RNF216: variants seen among roughly 807,000 people sequenced by gnomAD.
The protein encoded by RNF216 is E3 ubiquitin-protein ligase RNF216.
In RNF216, 72 loss-of-function variants were observed where a neutral mutation model predicts 110.8. That is an observed-to-expected ratio of 0.65 (90% CI 0.54 to 0.79). The LOEUF is 0.79. Ranked by LOEUF, RNF216 falls within the 30% of genes least tolerant of loss-of-function variation. The pLI is 0.00. For missense variants in RNF216, 1,342 were observed against 1,141.2 expected, an observed-to-expected ratio of 1.18 and a Z score of -2.54; for synonymous variants, 495 against 407.5, an observed-to-expected ratio of 1.21 and a Z score of -2.59.
intron 13 of RNF216, among the ~76,000 whole-genome samples, chr7:5,683,125 T>TA (rs1179322988): frequency 2.6e-5 from 4 of 151,788 alleles, no homozygotes; most frequent in Non-Finnish European, 5.9e-5. Context: ...AATTATATGG[T>TA]AAAAACAAAC....
chr7:5,636,561 T>G (rs1330745008), intron 15 of RNF216, among the ~76,000 whole-genome samples: 1 of 152,150 alleles, frequency 6.6e-6, no homozygotes, highest in East Asian at 1.9e-4. Context: ...AGAACAGGCT[T>G]GTGTGACAGT....
At position 5,689,079 on chromosome 7, in the gene RNF216, C is replaced by T. The variant is rs139918029; in HGVS notation, c.2061+22682G>A. On this transcript the variant is annotated intron_variant, in intron 13 of 16. Coordinates refer to ENST00000389902, the MANE Select transcript of RNF216 (RefSeq NM_207111.4). ...AGAACAGGCTGCCGATTCTGTGAAA[C>T]AAAATGATATCCTATTATATGGCAC... Among the ~76,000 whole-genome samples the T allele has an allele frequency of 5.6e-4, 85 of 152,198 alleles. 1 individual carries two copies. The highest frequency in any genetic ancestry group is 2.0e-3 in the African/African-American group (82 of 41,518).
At chr7:5,751,881 AAC>A (rs1795349313) in intron 3 of RNF216, among the ~76,000 whole-genome samples, 1 of 151,256 alleles carries the variant, frequency 6.6e-6, no homozygotes, top group South Asian at 2.1e-4. Context: ...GTTTAAAAAA[AAC>A]AGTTTAAAAA....
chr7:5,669,805 T>C (rs1355116386), intron 13 of RNF216, among the ~76,000 whole-genome samples: 1 of 152,066 alleles, frequency 6.6e-6, no homozygotes, highest in Non-Finnish European at 1.5e-5. Flanking sequence ...GGTAGGAGAA[T>C]TGCTAGAATC....
intron 5 of RNF216, among the ~76,000 whole-genome samples, chr7:5,731,963 C>T (rs570191643): frequency 2.0e-5 from 3 of 152,320 alleles, no homozygotes; most frequent in East Asian, 1.9e-4. Flanking sequence ...CCTTCTCCCT[C>T]ATCCTGACAT....
At chr7:5,710,796 C>T (rs1034101259) in intron 13 of RNF216, among the ~76,000 whole-genome samples, 3 of 152,160 alleles carry the variant, frequency 2.0e-5, no homozygotes, top group African/African-American at 7.2e-5. Flanking sequence ...TTAGCGTAGG[C>T]ATCACCTCCC....
At chr7:5,678,535 G>A (rs1360421880) in intron 13 of RNF216, among the ~76,000 whole-genome samples, 1 of 152,176 alleles carries the variant, frequency 6.6e-6, no homozygotes, top group African/African-American at 2.4e-5. Context: ...AGTCCACCAT[G>A]GCTACTTACT....
chr7:5,701,287 G>C (rs1791952540), intron 13 of RNF216, among the ~76,000 whole-genome samples: 1 of 152,200 alleles, frequency 6.6e-6, no homozygotes, highest in Non-Finnish European at 1.5e-5. Context: ...GTAGAAATGA[G>C]TTGAGTGGTG....
chr7:5,695,815 T>C (rs3779095), intron 13 of RNF216, among the ~76,000 whole-genome samples: 11,985 of 152,268 alleles, frequency 0.079, 574 homozygotes, highest in East Asian at 0.12. Flanking sequence ...ACGGATGTGT[T>C]TATTTATGAA....
chr7:5,711,284 G>T (rs961319409), intron 13 of RNF216, among the ~76,000 whole-genome samples: 1 of 152,180 alleles, frequency 6.6e-6, no homozygotes, highest in African/African-American at 2.4e-5. Context: ...CTCATGAGGA[G>T]AAACAGTCAA....
intron 15 of RNF216, among the ~76,000 whole-genome samples, chr7:5,637,732 G>A (rs1444581618): frequency 6.6e-6 from 1 of 152,176 alleles, no homozygotes; most frequent in African/African-American, 2.4e-5. Context: ...TAGAGATGGA[G>A]TTTTGCCATG....
intron 14 of RNF216, among the ~76,000 whole-genome samples, chr7:5,644,244 AT>A (rs1399551097): frequency 6.6e-6 from 1 of 152,098 alleles, no homozygotes; most frequent in East Asian, 1.9e-4. Flanking sequence ...TGTTTAACTT[AT>A]TGGGGAAAGC....
intron 3 of RNF216, among the ~76,000 whole-genome samples, chr7:5,746,961 G>T (rs1419945519): frequency 1.3e-5 from 2 of 152,082 alleles, no homozygotes; most frequent in African/African-American, 4.8e-5. Context: ...TAGCTTTTTT[G>T]AAAGATTAAC....
rs995263322 is a variant in RNF216 at position 5,707,056 on chromosome 7, T to C, written c.2061+4705A>G. Among the ~76,000 whole-genome samples, 7 of 152,382 alleles carry C rather than the reference T, an allele frequency of 4.6e-5. No homozygotes were observed. In the South Asian group the frequency reaches 8.3e-4, roughly 18 times the overall value. On this transcript the variant is annotated intron_variant, in intron 13 of 16. Coordinates refer to ENST00000389902, the MANE Select transcript of RNF216 (RefSeq NM_207111.4). ...TACCTTTTCCCCCGGTGGGTGTTCT[T>C]TGCACCCTTGTTGAAGATCAGCTGA...
intron 13 of RNF216, among the ~76,000 whole-genome samples, chr7:5,709,881 A>C (rs1232166542): frequency 1.3e-5 from 2 of 152,194 alleles, no homozygotes; most frequent in Admixed American, 6.5e-5. Context: ...CAGTCTCTTA[A>C]GTAGCTAGGA....
chr7:5,677,742 T>C (rs141885548), intron 13 of RNF216, among the ~76,000 whole-genome samples: 168 of 152,302 alleles, frequency 1.1e-3, no homozygotes, highest in African/African-American at 3.9e-3. Flanking sequence ...CCTGGGAGTG[T>C]TGCTCAGGAA....
chr7:5,699,858 G>A (rs1016597510), intron 13 of RNF216, among the ~76,000 whole-genome samples: 2 of 152,236 alleles, frequency 1.3e-5, no homozygotes, highest in Admixed American at 6.5e-5. Flanking sequence ...AGATGTGACA[G>A]AGACCCTCTG....
At chr7:5,701,575 T>C (rs547059645) in intron 13 of RNF216, among the ~76,000 whole-genome samples, 20 of 152,346 alleles carry the variant, frequency 1.3e-4, no homozygotes, top group Non-Finnish European at 2.5e-4. Context: ...ACCGTTCTTA[T>C]TGTACACGGA....
At chr7:5,686,816 C>A (rs962314136) in intron 13 of RNF216, among the ~76,000 whole-genome samples, 2 of 152,186 alleles carry the variant, frequency 1.3e-5, no homozygotes, top group Non-Finnish European at 2.9e-5. Context: ...TGGCTTCAGG[C>A]ATTAGACTCT....
Sources: allele counts gnomAD v4.1 joint callset (sites outside exome capture counted in the v4.1 genomes callset), GRCh38; gene constraint gnomAD v4.1.1; transcripts MANE v1.5; gene names NCBI Gene and HGNC (gene_info 2026-07-23, HGNC 2026-07-21).